The following AGBL1 variants were observed in gnomAD, a reference collection of about 807,000 sequenced individuals.
AGBL1 encodes cytosolic carboxypeptidase 4.
AGBL1 carries 130 observed loss-of-function variants against 118.9 expected under a neutral mutation model. That is an observed-to-expected ratio of 1.09 (90% confidence interval 0.95 to 1.26). The LOEUF is 1.26. Ranked by LOEUF, AGBL1 falls within the 50% of genes most tolerant of loss-of-function variation. The pLI is 0.00. For synonymous variants in AGBL1, 555 were observed against 478.9 expected (o/e 1.16, Z -2.08); for missense variants, 1,584 against 1,298.1 (o/e 1.22, Z -3.38).
intron 18 of AGBL1, among the ~76,000 whole-genome samples, chr15:86,430,928 T>A (rs1424345239): frequency 6.6e-6 from 1 of 152,212 alleles, no homozygotes; most frequent in African/African-American, 2.4e-5. Context: ...TTAATTCTTG[T>A]GACAGTCCTA....
intron 17 of AGBL1, among the ~76,000 whole-genome samples, chr15:86,357,756 A>G (rs780075066): frequency 1.3e-5 from 2 of 152,066 alleles, no homozygotes; most frequent in Non-Finnish European, 2.9e-5. Flanking sequence ...TGTATTTCCA[A>G]TCTGAATCTT....
intron 21 of AGBL1, among the ~76,000 whole-genome samples, chr15:86,634,854 G>A (rs76398683): frequency 2.0e-5 from 3 of 151,906 alleles, no homozygotes; most frequent in African/African-American, 4.8e-5. Flanking sequence ...TTATGTTGCC[G>A]CATTTGTTTT....
At chr15:86,121,406 C>A (rs1243810630) in intron 1 of AGBL1, among the ~76,000 whole-genome samples, 1 of 152,032 alleles carries the variant, frequency 6.6e-6, no homozygotes, top group Non-Finnish European at 1.5e-5. Flanking sequence ...AGAGATTAGG[C>A]AAATATGTAA....
At position 86,574,570 on chromosome 15, in the gene AGBL1, ATTTTTT is replaced by A. The variant is rs776642678; in HGVS notation, c.2994+20052_2994+20057del. ...TTCTATACAATTCTTAAAAGTTTTA[ATTTTTT>A]TTTTTTTTTTTTTTTTTTGTGATGA... On this transcript the variant is annotated intron_variant, in intron 21 of 22. Coordinates refer to ENST00000614907, the MANE Select transcript of AGBL1 (RefSeq NM_001386094.1). Among the ~76,000 whole-genome samples, 417 of 83,798 alleles carry A rather than the reference ATTTTTT, an allele frequency of 5.0e-3. 2 individuals are homozygous for A. In the Middle Eastern group the frequency reaches 0.052, roughly 10 times the overall value. The allele number at this position is 83,798 out of a possible 152,430, so 55.0% of individuals were successfully genotyped here.
chr15:86,894,064 C>T (rs931442693), intron 22 of AGBL1, among the ~76,000 whole-genome samples: 22 of 152,052 alleles, frequency 1.4e-4, no homozygotes, highest in Admixed American at 9.2e-4. Flanking sequence ...TCTCCAATAC[C>T]GCCTAAAGTG....
intron 22 of AGBL1, among the ~76,000 whole-genome samples, chr15:86,736,225 C>CA (rs2077596019): frequency 6.6e-6 from 1 of 151,976 alleles, no homozygotes; most frequent in Non-Finnish European, 1.5e-5. Flanking sequence ...ACTAAAAATA[C>CA]AAAAATTAGC....
chr15:86,682,313 G>T (rs2085974892), intron 22 of AGBL1, among the ~76,000 whole-genome samples: 1 of 152,068 alleles, frequency 6.6e-6, no homozygotes, highest in Admixed American at 6.6e-5. Context: ...ATTTTAGGCT[G>T]GGAAAACAAT....
At chr15:86,165,078 G>A (rs531408430) in intron 5 of AGBL1, among the ~76,000 whole-genome samples, 2 of 152,240 alleles carry the variant, frequency 1.3e-5, no homozygotes, top group East Asian at 1.9e-4. Context: ...TGTGGAGGTC[G>A]GAGTACCTGG....
At chr15:86,198,997 C>T (rs2141850068) in intron 5 of AGBL1, among the ~76,000 whole-genome samples, 1 of 152,136 alleles carries the variant, frequency 6.6e-6, no homozygotes, top group East Asian at 1.9e-4. Context: ...AAGATTGCTG[C>T]TAAAAATAAT....
chr15:87,029,757 TAACTC>T (rs2081767510), downstream of AGBL1, among the ~76,000 whole-genome samples: 1 of 151,912 alleles, frequency 6.6e-6, no homozygotes, highest in Non-Finnish European at 1.5e-5. Context: ...TCTGATTTCA[TAACTC>T]ACAACAGCTA....
intron 19 of AGBL1, among the ~76,000 whole-genome samples, chr15:86,535,350 A>T (rs1485000454): frequency 6.6e-6 from 1 of 152,222 alleles, no homozygotes; most frequent in African/African-American, 2.4e-5. Context: ...GAGGCAGATG[A>T]GGACAGTCGG....
chr15:86,673,382 A>C (rs939647660), intron 21 of AGBL1, among the ~76,000 whole-genome samples: 1 of 152,188 alleles, frequency 6.6e-6, no homozygotes, highest in Admixed American at 6.5e-5. Flanking sequence ...TTCTGATCTA[A>C]CTTCAAAAAC....
rs74396550 is a variant in AGBL1, at chr15:86,680,363, A to G, written c.3158+5927A>G. ...AATGGAGTTTTTTGCATATTAATAC[A>G]TATGTGAATATCCTTCTCTTCCCTT... On this transcript the variant is annotated intron_variant, in intron 22 of 22. Transcript: ENST00000614907. Among the ~76,000 whole-genome samples the G allele has an allele frequency of 1.8e-3, 269 of 152,060 alleles. 4 individuals carry two copies. In the East Asian group the frequency reaches 0.022, roughly 13 times the overall value.
downstream of AGBL1, among the ~76,000 whole-genome samples, chr15:87,030,550 T>C (rs558064277): frequency 5.3e-5 from 8 of 151,954 alleles, no homozygotes; most frequent in Non-Finnish European, 1.0e-4. Flanking sequence ...AAAGTGAGTT[T>C]TGCCATCATG....
chr15:86,921,848 G>A (rs553334532), intron 23 of AGBL1, among the ~76,000 whole-genome samples: 64 of 152,102 alleles, frequency 4.2e-4, no homozygotes, highest in African/African-American at 1.4e-3. Context: ...CAGACTGTCC[G>A]CTCTCCCATA....
At chr15:86,471,148 T>G (rs2082473916) in intron 18 of AGBL1, among the ~76,000 whole-genome samples, 1 of 152,178 alleles carries the variant, frequency 6.6e-6, no homozygotes, top group African/African-American at 2.4e-5. Context: ...GAATATAATG[T>G]TAGTTGTGGG....
chr15:86,150,013 G>T (rs2077086165), intron 3 of AGBL1, among the ~76,000 whole-genome samples: 1 of 152,168 alleles, frequency 6.6e-6, no homozygotes. Context: ...TGAACAACCT[G>T]CTCCTGAATA....
chr15:86,156,924 G>C (rs2077200722), intron 4 of AGBL1, among the ~76,000 whole-genome samples: 1 of 151,288 alleles, frequency 6.6e-6, no homozygotes, highest in Non-Finnish European at 1.5e-5. Context: ...CGACTAGCTG[G>C]GATTACAGTT....
intron 1 of AGBL1, among the ~76,000 whole-genome samples, chr15:86,094,699 C>T (rs956130281): frequency 3.9e-5 from 6 of 152,166 alleles, no homozygotes; most frequent in African/African-American, 7.2e-5. Flanking sequence ...ATTGACCAGT[C>T]ATTGGATGAA....
Sources: gnomAD v4.1 joint callset for allele counts (sites outside exome capture counted in the v4.1 genomes callset) on GRCh38, gnomAD v4.1.1 for gene constraint, MANE v1.5 for transcripts, NCBI Gene and HGNC (gene_info 2026-07-23, HGNC 2026-07-21) for gene names.